The following CABIN1 variants were observed in gnomAD, a reference collection of about 807,000 sequenced individuals.
CABIN1 encodes the protein calcineurin-binding protein cabin-1.
A neutral mutation model predicts 227.7 loss-of-function variants in CABIN1; 133 were observed. The observed-to-expected ratio is 0.58, with a 90% CI of 0.51 to 0.67. The LOEUF is 0.67. CABIN1 is among the 30% of genes least tolerant of loss of function. The pLI is 0.00. For missense variants in CABIN1, 2,408 were observed against 2,852.5 expected (o/e 0.84, Z 3.55); for synonymous variants, 1,086 against 1,155.1 (o/e 0.94, Z 1.21).
At chr22:24,168,123 G>C (rs1423415803) in intron 32 of CABIN1, among the ~76,000 whole-genome samples, 1 of 152,206 alleles carries the variant, frequency 6.6e-6, no homozygotes, top group African/African-American at 2.4e-5. Flanking sequence ...AAATGAACTT[G>C]GTATAGCCAG....
chr22:24,134,557 C>A (rs566735744), intron 29 of CABIN1, 142 bp downstream of exon 29: 1 of 703,416 alleles, frequency 1.4e-6, no homozygotes, highest in African/African-American at 1.8e-5. Context: ...GTGGTACAGT[C>A]GAGAGTGAGC....
Position 24,079,869 on chromosome 22 carries a change from T to C in CABIN1, c.2749-3359T>C, listed in dbSNP as rs140407031. 1.8e-3 allele frequency among the ~76,000 whole-genome samples: 281 copies of C among 152,316 alleles called. 2 individuals carry two copies. The highest frequency in any genetic ancestry group is 5.8e-3 in the African/African-American group (241 of 41,568). On this transcript the variant is annotated intron_variant, in intron 19 of 36. Transcript: ENST00000263119. Reference sequence around the variant, plus strand: ...CATATTGTGTCTGTGTGCTTAGTTCTATTTCTATTTCTGTGCACCTTTATG... The same window carrying C: ...CATATTGTGTCTGTGTGCTTAGTTCCATTTCTATTTCTGTGCACCTTTATG...
intron 26 of CABIN1, among the ~76,000 whole-genome samples, chr22:24,106,058 A>G (rs1353679786): frequency 1.3e-5 from 2 of 152,186 alleles, no homozygotes; most frequent in Non-Finnish European, 2.9e-5. Context: ...CTCTCCACAC[A>G]TACTCAAAGA....
At chr22:24,102,792 C>T (rs1223954038) in intron 26 of CABIN1, among the ~76,000 whole-genome samples, 1 of 152,144 alleles carries the variant, frequency 6.6e-6, no homozygotes, top group Non-Finnish European at 1.5e-5. Context: ...GTCCCACTGA[C>T]AGCATGCACA....
intron 28 of CABIN1, among the ~76,000 whole-genome samples, chr22:24,125,484 C>G (rs2043665095): frequency 6.6e-6 from 1 of 152,220 alleles, no homozygotes. Context: ...GGCCCTGCAC[C>G]ATTAGACTGG....
rs201157491 is a variant in CABIN1, at chr22:24,064,097, C to T, written c.1947C>T (p.Thr649=). 56 of 1,614,106 alleles carry T rather than the reference C, an allele frequency of 3.5e-5. No homozygotes were observed. The highest frequency in any genetic ancestry group is 4.5e-5 in the East Asian group (2 of 44,886). The change falls in exon 15 of 37, where the codon ACC becomes ACT. Residue 649 remains threonine (T), a synonymous_variant. Transcript: ENST00000263119. ...DICTEMLQSS[T]AIQVEAGAER... Reference sequence around the variant, plus strand: ...GCACAGAAATGCTCCAGAGTTCCACCGCCATCCAGGTGGAGGCAGGGGCTG... The same window carrying T: ...GCACAGAAATGCTCCAGAGTTCCACTGCCATCCAGGTGGAGGCAGGGGCTG...
intron 28 of CABIN1, among the ~76,000 whole-genome samples, chr22:24,125,247 G>A (rs1195679465): frequency 1.3e-5 from 2 of 152,222 alleles, no homozygotes; most frequent in Non-Finnish European, 2.9e-5. Flanking sequence ...GGGGTGCTGT[G>A]TGCTCAGCTG....
chr22:24,040,791 T>C (rs1376406443), intron 4 of CABIN1, among the ~76,000 whole-genome samples: 1 of 152,234 alleles, frequency 6.6e-6, no homozygotes, highest in Non-Finnish European at 1.5e-5. Flanking sequence ...ACTTTGTCTT[T>C]TATCTTATAC....
chr22:24,080,534 T>C (rs2040739940), intron 19 of CABIN1, among the ~76,000 whole-genome samples: 1 of 152,232 alleles, frequency 6.6e-6, no homozygotes, highest in African/African-American at 2.4e-5. Context: ...ATGTGGTATA[T>C]CTCTCTGTTT....
At chr22:24,052,924 C>T (rs2038464257) in intron 8 of CABIN1, among the ~76,000 whole-genome samples, 1 of 152,046 alleles carries the variant, frequency 6.6e-6, no homozygotes, top group Admixed American at 6.6e-5. Flanking sequence ...AGGCATTTGA[C>T]ACAACCCAGC....
chr22:24,121,527 A>T (rs1602203957), intron 28 of CABIN1, among the ~76,000 whole-genome samples: 1 of 152,158 alleles, frequency 6.6e-6, no homozygotes, highest in African/African-American at 2.4e-5. Context: ...CTCAGCCTCC[A>T]CTTGGCAGTG....
At chr22:24,034,538 T>C (rs1231655308) in intron 1 of CABIN1, among the ~76,000 whole-genome samples, 2 of 152,248 alleles carry the variant, frequency 1.3e-5, no homozygotes, top group Admixed American at 1.3e-4. Context: ...TTCCACCTTT[T>C]AGCTTTTAGA....
At chr22:24,160,193 GATGAATCTCT>G (rs1470313219) in intron 29 of CABIN1, 8 of 152,168 alleles carry the variant, frequency 5.3e-5, no homozygotes, top group African/African-American at 1.9e-4. Context: ...GTAGACATAG[GATGAATCTCT>G]ATGTCCCTAC....
intron 29 of CABIN1, among the ~76,000 whole-genome samples, chr22:24,139,031 T>A (rs2044585145): frequency 6.6e-6 from 1 of 152,162 alleles, no homozygotes; most frequent in Admixed American, 6.5e-5. Flanking sequence ...TAACAAGGGC[T>A]ATGGGAGTTA....
Position 24,164,475 on chromosome 22 carries a change from C to A in CABIN1, c.4822C>A (p.Leu1608Met). The A allele has an allele frequency of 6.2e-7, 1 of 1,606,258 alleles. No individual in the cohort carries two copies. ...FAWHMNRSIVLLLKVLAQLRD... is the reference protein window; with the variant it reads ...FAWHMNRSIVMLLKVLAQLRD... ...CTGGCACATGAACCGCTCCATCGTG[C>A]TGCTGCTCAAGGTGCTGGCCCAGCT... The change falls in exon 30 of 37, where the codon CTG becomes ATG. Residue 1608 changes from leucine (L) to methionine (M), a missense_variant. This residue lies in a region of CABIN1 where 649 missense variants were observed against 910.3 expected (regional missense o/e 0.71). Coordinates refer to ENST00000263119, the MANE Select transcript of CABIN1 (RefSeq NM_012295.4).
chr22:24,045,170 C>T (rs566252098), intron 6 of CABIN1, among the ~76,000 whole-genome samples: 2 of 152,204 alleles, frequency 1.3e-5, no homozygotes, highest in Non-Finnish European at 2.9e-5. Flanking sequence ...GTGATCCGCC[C>T]GCCTTGGCCT....
chr22:24,089,148 A>G (rs1181440193), intron 23 of CABIN1, among the ~76,000 whole-genome samples: 5 of 152,194 alleles, frequency 3.3e-5, no homozygotes, highest in Admixed American at 1.3e-4. Context: ...TCTCCCACCA[A>G]TGATGGCAAA....
chr22:24,113,760 T>C lies in CABIN1; in HGVS notation c.4300+12T>C, dbSNP rs2042932491. On this transcript the variant is annotated intron_variant, in intron 27 of 36. Transcript: ENST00000263119. ...CACAGAAGAAAGAGGTATGAAGCCC[T>C]AACTCGGTGAATTAGAACCACTTTG... The C allele has an allele frequency of 6.2e-7, 1 of 1,613,496 alleles. No individual in the cohort carries two copies. The highest frequency in any genetic ancestry group is 1.3e-5 in the African/African-American group (1 of 74,936).
intron 6 of CABIN1, among the ~76,000 whole-genome samples, chr22:24,043,722 T>G (rs1451414688): frequency 6.6e-6 from 1 of 152,158 alleles, no homozygotes; most frequent in East Asian, 1.9e-4. Flanking sequence ...ATCGCATTCC[T>G]GTCTGGGTGA....
Sources: gnomAD v4.1 joint callset for allele counts (sites outside exome capture counted in the v4.1 genomes callset) on GRCh38, gnomAD v4.1.1 for gene constraint, gnomAD v4.1.1 regional missense constraint, MANE v1.5 for transcripts, NCBI Gene and HGNC (gene_info 2026-07-23, HGNC 2026-07-21) for gene names.